The following CDH11 variants were observed in gnomAD, a reference collection of about 807,000 sequenced individuals.
The protein encoded by CDH11 is cadherin 11, also known as cadherin-11.
CDH11 carries 11 observed loss-of-function variants against 67.8 expected under a neutral mutation model. That is an observed-to-expected ratio of 0.16 (90% CI 0.10 to 0.27). The LOEUF is 0.27. Among genes scored for constraint, CDH11 ranks in the 10% least tolerant of loss-of-function variants. The pLI is 1.00. For synonymous variants in CDH11, 419 were observed against 400.0 expected (o/e 1.05, Z -0.57); for missense variants, 847 against 1,031.2 (o/e 0.82, Z 2.45).
intron 2 of CDH11, among the ~76,000 whole-genome samples, chr16:65,050,104 G>T (rs1318609887): frequency 6.6e-6 from 1 of 152,138 alleles, no homozygotes; most frequent in Non-Finnish European, 1.5e-5. Flanking sequence ...CACTTCTCTT[G>T]AGCAAAGGGC....
intron 2 of CDH11, among the ~76,000 whole-genome samples, chr16:65,024,544 T>G (rs2073494597): frequency 6.6e-6 from 1 of 152,142 alleles, no homozygotes; most frequent in African/African-American, 2.4e-5. Context: ...AAATTTAAAT[T>G]AAATTTAAAA....
chr16:64,997,940 A>G (rs1448742492), intron 4 of CDH11, among the ~76,000 whole-genome samples: 1 of 152,236 alleles, frequency 6.6e-6, no homozygotes, highest in Non-Finnish European at 1.5e-5. Context: ...TGTTTCTCAA[A>G]AGAAACATTA....
chr16:65,115,718 A>AC (rs1236419395), intron 1 of CDH11, among the ~76,000 whole-genome samples: 8 of 141,036 alleles, frequency 5.7e-5, no homozygotes, highest in African/African-American at 1.6e-4. Flanking sequence ...AAAAAAAAAA[A>AC]AAACAAAAAA....
intron 1 of CDH11, among the ~76,000 whole-genome samples, chr16:65,117,102 C>T (rs1269889902): frequency 6.6e-6 from 1 of 152,176 alleles, no homozygotes; most frequent in African/African-American, 2.4e-5. Context: ...ATAAACTGTC[C>T]AATGGTAAGT....
chr16:65,119,544 C>T (rs1289925150), intron 1 of CDH11, among the ~76,000 whole-genome samples: 1 of 152,162 alleles, frequency 6.6e-6, no homozygotes, highest in Non-Finnish European at 1.5e-5. Context: ...ATTTTAAAAG[C>T]TTATTTTCCT....
intron 1 of CDH11, among the ~76,000 whole-genome samples, chr16:65,077,265 G>GA (rs1002259510): frequency 2.0e-5 from 3 of 151,844 alleles, no homozygotes; most frequent in Non-Finnish European, 2.9e-5. Flanking sequence ...CTTATTGGAG[G>GA]AAAAAAAAGT....
At chr16:65,109,153 A>G (rs1326434456) in intron 1 of CDH11, among the ~76,000 whole-genome samples, 1 of 152,104 alleles carries the variant, frequency 6.6e-6, no homozygotes, top group Non-Finnish European at 1.5e-5. Context: ...TTTCGAAAAA[A>G]AAAGAAATTG....
At chr16:65,001,691 G>A (rs1436674683) in intron 3 of CDH11, among the ~76,000 whole-genome samples, 1 of 151,894 alleles carries the variant, frequency 6.6e-6, no homozygotes, top group African/African-American at 2.4e-5. Context: ...TTTGTTTTCA[G>A]GTTGGAAAGT....
chr16:65,055,255 C>T (rs1240315667), intron 1 of CDH11, among the ~76,000 whole-genome samples: 1 of 152,162 alleles, frequency 6.6e-6, no homozygotes, highest in African/African-American at 2.4e-5. Flanking sequence ...TGCCCTTGTG[C>T]AGTCTCCTTC....
At chr16:65,108,037 A>G (rs1301905024) in intron 1 of CDH11, among the ~76,000 whole-genome samples, 5 of 152,190 alleles carry the variant, frequency 3.3e-5, no homozygotes, top group Admixed American at 6.5e-5. Flanking sequence ...TCTTTCCCCA[A>G]TCACAAGAAA....
chr16:65,095,073 C>T (rs548139457), intron 1 of CDH11, among the ~76,000 whole-genome samples: 1 of 152,250 alleles, frequency 6.6e-6, no homozygotes, highest in African/African-American at 2.4e-5. Context: ...TTGTGTGTTA[C>T]TACCTCTAAT....
intron 2 of CDH11, among the ~76,000 whole-genome samples, chr16:65,028,096 C>G (rs557209017): frequency 2.0e-5 from 3 of 152,162 alleles, no homozygotes; most frequent in Admixed American, 1.3e-4. Context: ...AAGGAAGAAA[C>G]GGAAAGAAGA....
In CDH11 at chr16:65,078,136, A is replaced by G. The variant is rs188506291; in HGVS notation, c.-297-24208T>C. Among the ~76,000 whole-genome samples the G allele has an allele frequency of 6.2e-4, 95 of 152,358 alleles. 1 individual carries two copies. The highest frequency in any genetic ancestry group is 3.4e-3 in the Middle Eastern group (1 of 294). ...GTTAATTTTGCAGGATATTTCTTTC[A>G]TATATTTTGACAATATGGAAAAGTC... On this transcript the variant is annotated intron_variant, in intron 1 of 12. Transcript: ENST00000268603.
intron 1 of CDH11, among the ~76,000 whole-genome samples, chr16:65,108,082 C>A (rs889700896): frequency 5.3e-5 from 8 of 152,116 alleles, no homozygotes; most frequent in Admixed American, 6.6e-5. Flanking sequence ...AAGAAAAGGA[C>A]ACTAGGCACG....
chr16:64,962,505 G>A (rs74026210), intron 11 of CDH11, among the ~76,000 whole-genome samples: 2,001 of 152,164 alleles, frequency 0.013, 40 homozygotes, highest in African/African-American at 0.045. Flanking sequence ...TTGACAAATT[G>A]ATGGAGGCCC....
At chr16:65,021,876 G>GAAAAA (rs35700448) in intron 2 of CDH11, among the ~76,000 whole-genome samples, 88 of 109,176 alleles carry the variant, frequency 8.1e-4, no homozygotes, top group East Asian at 2.1e-3. Context: ...AAGTAACTCA[G>GAAAAA]AAAAAAAAAA....
intron 2 of CDH11, among the ~76,000 whole-genome samples, chr16:65,036,826 T>C (rs532405497): frequency 6.6e-6 from 1 of 152,194 alleles, no homozygotes; most frequent in African/African-American, 2.4e-5. Flanking sequence ...ATTTGGATAC[T>C]TGGGTCCCAT....
At chr16:65,014,887 C>T (rs949896161) in intron 2 of CDH11, among the ~76,000 whole-genome samples, 1 of 151,542 alleles carries the variant, frequency 6.6e-6, no homozygotes, top group African/African-American at 2.4e-5. Flanking sequence ...TGGAGTTTCG[C>T]TCTTTTTGGC....
chr16:64,988,156 C>A lies in CDH11; in HGVS notation c.999+1G>T, dbSNP rs1555515331. 1 of 1,605,366 alleles carries A rather than the reference C, an allele frequency of 6.2e-7. No individual in the cohort carries two copies. The highest frequency in any genetic ancestry group is 8.5e-7 in the Non-Finnish European group (1 of 1,175,394). The stretch of plus-strand genomic sequence containing the variant: ...ACGTCTGATTCCTTACCCTAACTCA[C>A]CTTTTTCAGCTTTATCACCCCCTCC... On this transcript the variant is annotated splice_donor_variant, in intron 7 of 12. Transcript: ENST00000268603. LOFTEE classifies it high-confidence loss of function.
Sources: allele counts gnomAD v4.1 joint callset (sites outside exome capture counted in the v4.1 genomes callset), GRCh38; gene constraint gnomAD v4.1.1; transcripts MANE v1.5; gene names NCBI Gene and HGNC (gene_info 2026-07-23, HGNC 2026-07-21).